Variants in GRIK2 observed in about 807,000 individuals in gnomAD.
The protein encoded by GRIK2 is glutamate receptor ionotropic, kainate 2.
In GRIK2, 32 loss-of-function variants were observed where a neutral mutation model predicts 100.3. The ratio of observed to expected loss-of-function variants is 0.32; its 90% CI spans 0.24 to 0.43. The LOEUF is 0.43. Among genes scored for constraint, GRIK2 ranks in the 20% least tolerant of loss-of-function variants. GRIK2 has a pLI of 1.00. For missense variants in GRIK2, 843 were observed against 1,114.9 expected (o/e 0.76, Z 3.47); for synonymous variants, 417 against 389.4 (o/e 1.07, Z -0.83).
rs187623752 is a variant in GRIK2 at position 101,412,608 on chromosome 6, T to A, written c.115+13216T>A. Among the ~76,000 whole-genome samples the A allele has an allele frequency of 9.9e-5, 15 of 152,190 alleles. No individual in the cohort carries two copies. The East Asian group carries it at 2.7e-3, about 27-fold the overall frequency. On this transcript the variant is annotated intron_variant, in intron 2 of 16. Transcript: ENST00000369134. ...TTGGACTCAGCTATGTTTAGCAATA[T>A]GTGTCTAAATATTTTCAATTCTTTT... is the stretch of plus-strand genomic sequence containing the variant.
intron 15 of GRIK2, among the ~76,000 whole-genome samples, chr6:102,037,679 G>T (rs1770345186): frequency 6.6e-6 from 1 of 151,220 alleles, no homozygotes; most frequent in Admixed American, 6.6e-5. Flanking sequence ...ATATTGCTGA[G>T]AAACATTTTT....
At chr6:101,615,131 T>C (rs1779834977) in intron 2 of GRIK2, among the ~76,000 whole-genome samples, 1 of 151,682 alleles carries the variant, frequency 6.6e-6, no homozygotes. Context: ...AAGAAAGGTA[T>C]TCTCCTCTCC....
chr6:101,409,442 A>G (rs1297984699), intron 2 of GRIK2, among the ~76,000 whole-genome samples: 1 of 152,124 alleles, frequency 6.6e-6, no homozygotes, highest in Non-Finnish European at 1.5e-5. Flanking sequence ...TCATGAATGT[A>G]TATACATAAT....
chr6:101,982,589 G>T (rs896245405), intron 14 of GRIK2, among the ~76,000 whole-genome samples: 3 of 150,944 alleles, frequency 2.0e-5, no homozygotes, highest in Admixed American at 6.6e-5. Flanking sequence ...GAGAAAAATT[G>T]AATTTAAAAA....
intron 11 of GRIK2, among the ~76,000 whole-genome samples, chr6:101,863,726 T>C (rs1338877598): frequency 6.6e-6 from 1 of 152,244 alleles, no homozygotes; most frequent in Admixed American, 6.5e-5. Flanking sequence ...GGGCACCGTG[T>C]GTCTAACTTT....
chr6:101,834,016 G>A (rs1190032282), intron 10 of GRIK2, among the ~76,000 whole-genome samples: 3 of 152,032 alleles, frequency 2.0e-5, no homozygotes, highest in African/African-American at 7.2e-5. Context: ...TCTTCTGGAA[G>A]AAATGCTTCA....
chr6:101,646,171 G>A (rs1781516861), intron 4 of GRIK2, among the ~76,000 whole-genome samples: 1 of 151,810 alleles, frequency 6.6e-6, no homozygotes, highest in Non-Finnish European at 1.5e-5. Flanking sequence ...CCTGGATCAG[G>A]GCATGGCTTG....
chr6:101,932,594 A>T (rs529884065), intron 14 of GRIK2, among the ~76,000 whole-genome samples: 2,061 of 150,024 alleles, frequency 0.014, 61 homozygotes, highest in African/African-American at 0.048. Flanking sequence ...TTTTTTTTTT[A>T]AACTTACATT....
chr6:101,697,339 ACGTGTGTGTGTG>A (rs1448212762), intron 7 of GRIK2, among the ~76,000 whole-genome samples: 7 of 135,630 alleles, frequency 5.2e-5, no homozygotes, highest in Non-Finnish European at 7.7e-5. Context: ...CTTAGGGTGT[ACGTGTGTGTGTG>A]TGTGTGTGTG....
intron 7 of GRIK2, chr6:101,744,538 A>ATC (rs1562351632): frequency 3.6e-4 from 43 of 118,362 alleles, no homozygotes; most frequent in African/African-American, 1.4e-3. Context: ...ATATATATAT[A>ATC]TATATATATA....
chr6:101,787,644 G>A (rs1300631727), intron 7 of GRIK2, among the ~76,000 whole-genome samples: 1 of 151,868 alleles, frequency 6.6e-6, no homozygotes, highest in African/African-American at 2.4e-5. Context: ...CTATTTTTTT[G>A]TTTATTGTGG....
chr6:101,856,060 G>A (rs1347046749), intron 10 of GRIK2, among the ~76,000 whole-genome samples: 1 of 152,164 alleles, frequency 6.6e-6, no homozygotes, highest in Non-Finnish European at 1.5e-5. Flanking sequence ...ACCAAGATGA[G>A]AGCAAGTGGT....
At chr6:101,933,060 G>A (rs2791803) in intron 14 of GRIK2, among the ~76,000 whole-genome samples, 5,226 of 151,998 alleles carry the variant, frequency 0.034, 318 homozygotes, top group African/African-American at 0.12. Context: ...TTGGGCTAGA[G>A]GATCTTTATC....
At chr6:101,813,154 C>T (rs969705954) in intron 9 of GRIK2, among the ~76,000 whole-genome samples, 2 of 152,006 alleles carry the variant, frequency 1.3e-5, no homozygotes, top group African/African-American at 4.8e-5. Context: ...CACACACACA[C>T]ACACACATAT....
chr6:101,849,955 A>G (rs980287517), intron 10 of GRIK2, among the ~76,000 whole-genome samples: 4 of 151,322 alleles, frequency 2.6e-5, no homozygotes, highest in Non-Finnish European at 5.9e-5. Flanking sequence ...AAACTTTACA[A>G]GTTTTTTAGT....
At chr6:101,397,888 A>T (rs1248924811) in intron 1 of GRIK2, among the ~76,000 whole-genome samples, 1 of 152,090 alleles carries the variant, frequency 6.6e-6, no homozygotes, top group Non-Finnish European at 1.5e-5. Context: ...TATATTTATT[A>T]TACAAGTTAG....
At chr6:101,452,323 A>G (rs1014994283) in intron 2 of GRIK2, among the ~76,000 whole-genome samples, 2 of 151,858 alleles carry the variant, frequency 1.3e-5, no homozygotes, top group Admixed American at 6.6e-5. Flanking sequence ...TAACTTACCC[A>G]GTGGTTCTCA....
chr6:102,005,137 C>A (rs538668199), intron 14 of GRIK2, among the ~76,000 whole-genome samples: 1 of 150,884 alleles, frequency 6.6e-6, no homozygotes, highest in Non-Finnish European at 1.5e-5. Context: ...TTCATATGTG[C>A]AGTATATATA....
chr6:101,526,548 G>A (rs950225598), intron 2 of GRIK2, among the ~76,000 whole-genome samples: 2 of 152,166 alleles, frequency 1.3e-5, no homozygotes, highest in Non-Finnish European at 2.9e-5. Flanking sequence ...ATTAAGGGCT[G>A]ATATATTGGT....
Sources: allele counts gnomAD v4.1 joint callset (sites outside exome capture counted in the v4.1 genomes callset), GRCh38; gene constraint gnomAD v4.1.1; transcripts MANE v1.5; gene names NCBI Gene and HGNC (gene_info 2026-07-23, HGNC 2026-07-21).